Variants in CMIP observed in about 807,000 individuals in gnomAD.
The protein encoded by CMIP is C-Maf-inducing protein.
A neutral mutation model predicts 97.3 loss-of-function variants in CMIP; 13 were observed. The observed-to-expected ratio is 0.13, with a 90% CI of 0.09 to 0.21. The LOEUF (loss-of-function observed/expected upper bound fraction) is 0.21, where lower values mean the gene tolerates loss of function less well. Ranked by LOEUF, CMIP falls within the 10% of genes least tolerant of loss-of-function variation. The pLI, the probability that CMIP is intolerant of heterozygous loss-of-function variation, is 1.00. For missense variants in CMIP, 847 were observed against 1,024.9 expected (o/e 0.83, Z 2.37); for synonymous variants, 538 against 436.3 (o/e 1.23, Z -2.91).
intron 2 of CMIP, among the ~76,000 whole-genome samples, chr16:81,611,998 G>A (rs1456467933): frequency 7.2e-5 from 11 of 152,184 alleles, no homozygotes; most frequent in Non-Finnish European, 2.9e-5. Context: ...CTCCCTCACT[G>A]CCATGTTATT....
chr16:81,461,043 G>T (rs905709427), intron 1 of CMIP, among the ~76,000 whole-genome samples: 1 of 152,238 alleles, frequency 6.6e-6, no homozygotes, highest in African/African-American at 2.4e-5. Flanking sequence ...TTTGAGCCCA[G>T]ATGCGAGGTT....
In CMIP at chr16:81,688,330, A is replaced by G. The variant is rs149639884; in HGVS notation, c.1389-3445A>G. 4.1e-3 allele frequency among the ~76,000 whole-genome samples: 632 copies of G among 152,308 alleles called. 7 individuals carry two copies. Among genetic ancestry groups the G allele is most frequent in the African/African-American group, 0.015 (611 of 41,570 alleles). Reference sequence around the variant, plus strand: ...GTGCTTCCCGCAGCTGCTCTCACTGAGGTTTAGCCCTCCTTCCTTACCCAG... The same window carrying G: ...GTGCTTCCCGCAGCTGCTCTCACTGGGGTTTAGCCCTCCTTCCTTACCCAG... On this transcript the variant is annotated intron_variant, in intron 10 of 20. Transcript: ENST00000537098.
chr16:81,605,875 G>A (rs140547247), intron 1 of CMIP, among the ~76,000 whole-genome samples: 145 of 152,346 alleles, frequency 9.5e-4, no homozygotes, highest in African/African-American at 3.4e-3. Flanking sequence ...CATAACGGAA[G>A]TTCAGTAAAT....
intron 4 of CMIP, among the ~76,000 whole-genome samples, chr16:81,656,143 A>T (rs2092478872): frequency 6.6e-6 from 1 of 152,234 alleles, no homozygotes; most frequent in African/African-American, 2.4e-5. Flanking sequence ...CTAGGTCAGG[A>T]CGTCTCATGG....
At chr16:81,467,983 C>G (rs1907308929) in intron 1 of CMIP, among the ~76,000 whole-genome samples, 1 of 150,642 alleles carries the variant, frequency 6.6e-6, no homozygotes, top group African/African-American at 2.4e-5. Flanking sequence ...ACCTCCCAGA[C>G]TCAAGCGATC....
chr16:81,550,729 G>A (rs1483763968), intron 1 of CMIP, among the ~76,000 whole-genome samples: 1 of 152,084 alleles, frequency 6.6e-6, no homozygotes, highest in Non-Finnish European at 1.5e-5. Flanking sequence ...TTGCCCACTG[G>A]TGACCACAGC....
intron 1 of CMIP, among the ~76,000 whole-genome samples, chr16:81,500,842 C>T (rs926533817): frequency 6.6e-6 from 1 of 150,770 alleles, no homozygotes; most frequent in Non-Finnish European, 1.5e-5. Context: ...TCCCTCCCTT[C>T]CTTCTTTCTT....
chr16:81,507,507 CT>C (rs1157816397), intron 1 of CMIP, among the ~76,000 whole-genome samples: 1 of 152,136 alleles, frequency 6.6e-6, no homozygotes, highest in East Asian at 1.9e-4. Context: ...CATGGCTCAT[CT>C]TCTTGGAATG....
chr16:81,702,773 A>G lies in CMIP; in HGVS notation c.1944+104A>G, dbSNP rs908236474. On this transcript the variant is annotated intron_variant, in intron 17 of 20. Transcript: ENST00000537098. ...CTGCTGCTGAGATGGGAGGTGATGG[A>G]GGGCGGGGCACAAGGACCCCCTAGT... 4 of 1,004,784 alleles carry G rather than the reference A, an allele frequency of 4.0e-6. No individual in the cohort carries two copies. In the African/African-American group the frequency reaches 6.4e-5, roughly 16 times the overall value. 62.2% of individuals were successfully genotyped at this position (1,004,784 alleles called of 1,614,324 possible). A position where few individuals can be genotyped will look rare whatever the true frequency, so the allele number is the denominator to read the frequency against.
At chr16:81,569,926 C>G (rs1293324727) in intron 1 of CMIP, among the ~76,000 whole-genome samples, 3 of 151,122 alleles carry the variant, frequency 2.0e-5, no homozygotes, top group African/African-American at 7.3e-5. Flanking sequence ...TCTAAGCGTT[C>G]GTTATGAGTG....
At chr16:81,554,838 A>G (rs572313616) in intron 1 of CMIP, among the ~76,000 whole-genome samples, 1 of 152,314 alleles carries the variant, frequency 6.6e-6, no homozygotes, top group Non-Finnish European at 1.5e-5. Flanking sequence ...GTCTGCTAGG[A>G]ACTAACAGGC....
intron 1 of CMIP, among the ~76,000 whole-genome samples, chr16:81,493,728 C>T (rs1179176691): frequency 3.9e-5 from 6 of 152,210 alleles, no homozygotes; most frequent in Admixed American, 3.9e-4. Flanking sequence ...ATATGAGGGC[C>T]TAACATACAC....
At chr16:81,640,286 GC>G (rs35478251) in intron 3 of CMIP, among the ~76,000 whole-genome samples, 70,068 of 129,242 alleles carry the variant, frequency 0.54, 18,915 homozygotes, top group Admixed American at 0.63. Flanking sequence ...AGGACATCAG[GC>G]CCCCCCCCCC....
chr16:81,518,036 T>G, intron 1 of CMIP: 2 of 370,506 alleles, frequency 5.4e-6, no homozygotes, highest in South Asian at 2.2e-4. Flanking sequence ...GTTAATTGTG[T>G]GTGTGTGCTG....
chr16:81,509,560 TCA>T (rs1254784123), intron 1 of CMIP, among the ~76,000 whole-genome samples: 1 of 151,860 alleles, frequency 6.6e-6, no homozygotes, highest in African/African-American at 2.4e-5. Context: ...TACTCGGGGG[TCA>T]TAGTCTGGCT....
rs778292215 is a variant in CMIP, at chr16:81,652,214, C to T, written c.489C>T (p.Tyr163=). Residue 163 remains tyrosine, a synonymous_variant, in exon 4 of 21, where the codon TAC becomes TAT. Coordinates refer to ENST00000537098, the MANE Select transcript of CMIP (RefSeq NM_198390.3). The surrounding 1 kb of genome is among the most constrained non-coding windows in gnomAD (Gnocchi z 5.2). ...FHSLQWKKKI[Y]KYKKVLSNPS... ...TCTCTTTCAACCAGAAAAAGATTTA[C>T]AAATATAAGAAAGTGCTGAGTAACC... 4 of 1,612,676 alleles carry T rather than the reference C, an allele frequency of 2.5e-6. No homozygotes were observed. Among genetic ancestry groups the T allele is most frequent in the South Asian group, 1.1e-5 (1 of 90,982 alleles).
Position 81,706,997 on chromosome 16 carries a change from A to G in CMIP, c.2198-17A>G. ...GGGGCCTCGCTCTCCTAACAACTGT[A>G]TCTGTCTCTTGTGCAGCCATGAAGA... On this transcript the variant is annotated splice_polypyrimidine_tract_variant and intron_variant, in intron 19 of 20. Transcript: ENST00000537098. 1 of 1,612,482 alleles carries G rather than the reference A, an allele frequency of 6.2e-7. No homozygotes were observed. The highest frequency in any genetic ancestry group is 1.1e-5 in the South Asian group (1 of 90,982).
chr16:81,638,574 C>G (rs141137056), intron 3 of CMIP, among the ~76,000 whole-genome samples: 79 of 152,290 alleles, frequency 5.2e-4, no homozygotes, highest in African/African-American at 1.8e-3. Flanking sequence ...TCTGTCACCT[C>G]TCATCCCTCC....
At chr16:81,553,311 G>A (rs934112625) in intron 1 of CMIP, among the ~76,000 whole-genome samples, 52 of 152,300 alleles carry the variant, frequency 3.4e-4, no homozygotes, top group African/African-American at 1.1e-3. Flanking sequence ...GGAGGCAGGC[G>A]GGACCTGGCT....
Sources: gnomAD v4.1 joint callset for allele counts (sites outside exome capture counted in the v4.1 genomes callset) on GRCh38, gnomAD v4.1.1 for gene constraint, Gnocchi (gnomAD v3.1) non-coding constraint, MANE v1.5 for transcripts, NCBI Gene and HGNC (gene_info 2026-07-23, HGNC 2026-07-21) for gene names.